Variants in PIAS1 observed in about 807,000 individuals in gnomAD.
The protein encoded by PIAS1 is E3 SUMO-protein ligase PIAS1.
In PIAS1, 6 loss-of-function variants were observed where a neutral mutation model predicts 71.3. The ratio of observed to expected loss-of-function variants is 0.08; its 90% CI spans 0.05 to 0.17. The LOEUF (loss-of-function observed/expected upper bound fraction) is 0.17, where lower values mean the gene tolerates loss of function less well. Among genes scored for constraint, PIAS1 ranks in the 10% least tolerant of loss-of-function variants. The pLI is 1.00. For missense variants in PIAS1, 555 were observed against 793.6 expected, an observed-to-expected ratio of 0.70 and a Z score of 3.61; for synonymous variants, 303 against 292.9, an observed-to-expected ratio of 1.03 and a Z score of -0.35.
intron 8 of PIAS1, among the ~76,000 whole-genome samples, chr15:68,168,913 T>G (rs2092973485): frequency 6.6e-6 from 1 of 152,218 alleles, no homozygotes; most frequent in African/African-American, 2.4e-5. Context: ...AGATATGAAC[T>G]GACAGCTGGA....
Position 68,174,221 on chromosome 15 carries a change from C to A in PIAS1, c.1169+329C>A, listed in dbSNP as rs1308474971. 6.6e-6 allele frequency among the ~76,000 whole-genome samples: 1 copy of A among 152,152 alleles called. No individual in the cohort carries two copies. The highest frequency in any genetic ancestry group is 1.5e-5 in the Non-Finnish European group (1 of 68,026). On this transcript the variant is annotated intron_variant, in intron 9 of 13. Coordinates refer to ENST00000249636, the MANE Select transcript of PIAS1 (RefSeq NM_016166.3). The surrounding 1 kb of genome is among the most constrained non-coding windows in gnomAD (Gnocchi z 4.0). ...TCCATCCATCCCTAGATATGCAGAC[C>A]ATATTGGAACAAGAATGTATGGGGA...
At chr15:68,088,533 G>T (rs1009229933) in intron 2 of PIAS1, among the ~76,000 whole-genome samples, 1 of 152,060 alleles carries the variant, frequency 6.6e-6, no homozygotes, top group Non-Finnish European at 1.5e-5. Flanking sequence ...AGGTGGTATA[G>T]AATTGCTTAG....
At chr15:68,130,029 AAAG>A (rs2092679236) in intron 2 of PIAS1, among the ~76,000 whole-genome samples, 1 of 152,054 alleles carries the variant, frequency 6.6e-6, no homozygotes. Context: ...TGGAAATAAA[AAAG>A]ATATGTTCAT....
At chr15:68,089,295 G>C (rs1430611401) in intron 2 of PIAS1, among the ~76,000 whole-genome samples, 2 of 152,082 alleles carry the variant, frequency 1.3e-5, no homozygotes, top group Non-Finnish European at 2.9e-5. Flanking sequence ...CATAATTAAA[G>C]TATTCTTTTC....
intron 7 of PIAS1, among the ~76,000 whole-genome samples, chr15:68,156,709 T>TAAA (rs35479013): frequency 3.4e-5 from 4 of 119,076 alleles, no homozygotes; most frequent in African/African-American, 3.4e-5. Context: ...ACACTGTCTT[T>TAAA]AAAAAAAAAA....
At chr15:68,062,856 A>T (rs760122966) in intron 1 of PIAS1, among the ~76,000 whole-genome samples, 1 of 152,152 alleles carries the variant, frequency 6.6e-6, no homozygotes, top group Non-Finnish European at 1.5e-5. Context: ...TTTACAATAG[A>T]TAGTGAAGAT....
rs556433401 is a variant in PIAS1, at chr15:68,193,797, G to T, written c.*5962G>T. 1 of 489,550 alleles carries T rather than the reference G, an allele frequency of 2.0e-6. No homozygotes were observed. Among genetic ancestry groups the T allele is most frequent in the Non-Finnish European group, 3.7e-6 (1 of 272,498 alleles). The allele number at this position is 489,550 out of a possible 1,614,324, so 30.3% of individuals were successfully genotyped here. ...CCATGCTTGAAAGGGCCGGACTCACGGTAGTTAATAAAATCAATACAAATC... is the reference window on the plus strand; with the variant it reads ...CCATGCTTGAAAGGGCCGGACTCACTGTAGTTAATAAAATCAATACAAATC... On this transcript the variant is annotated 3_prime_UTR_variant, in exon 14 of 14. Transcript: ENST00000249636.
At chr15:68,075,026 G>A (rs1597134575) in intron 1 of PIAS1, among the ~76,000 whole-genome samples, 1 of 124,064 alleles carries the variant, frequency 8.1e-6, no homozygotes, top group Non-Finnish European at 1.7e-5. Context: ...GAATTTTTAT[G>A]TACATTAATG....
rs2093117025 is a variant in PIAS1, at chr15:68,191,007, A to G, written c.*3172A>G. 1.3e-5 allele frequency: 2 copies of G among 152,384 alleles called. No homozygotes were observed. Among genetic ancestry groups the G allele is most frequent in the South Asian group, 4.1e-4 (2 of 4,836 alleles). 9.4% of individuals were successfully genotyped at this position (152,384 alleles called of 1,614,324 possible). The stretch of plus-strand genomic sequence containing the variant: ...TTTTTTTAGACAATTTCAATTTTAA[A>G]CACATAAAACTTTCAAGATCTTCAG... On this transcript the variant is annotated 3_prime_UTR_variant, in exon 14 of 14. Transcript: ENST00000249636.
chr15:68,193,675 G>A lies in PIAS1; in HGVS notation c.*5840G>A, dbSNP rs990874236. 6 of 229,258 alleles carry A rather than the reference G, an allele frequency of 2.6e-5. No homozygotes were observed. Among genetic ancestry groups the A allele is most frequent in the Admixed American group, 1.0e-4 (2 of 19,356 alleles). The allele number at this position is 229,258 out of a possible 1,614,324, so 14.2% of individuals were successfully genotyped here. A position where few individuals can be genotyped will look rare whatever the true frequency, so the allele number is the denominator to read the frequency against. On this transcript the variant is annotated 3_prime_UTR_variant, in exon 14 of 14. Coordinates refer to ENST00000249636, the MANE Select transcript of PIAS1 (RefSeq NM_016166.3). The stretch of plus-strand genomic sequence containing the variant: ...GAAGTGGGAATCCAGCTTGTGTGGG[G>A]GGGCTTTGAGGAGTGAAATGATTTG...
intron 1 of PIAS1, among the ~76,000 whole-genome samples, chr15:68,067,856 C>T (rs764194868): frequency 6.6e-6 from 1 of 152,154 alleles, no homozygotes; most frequent in Non-Finnish European, 1.5e-5. Flanking sequence ...CCCTCATCCT[C>T]TCTTCCCCAT....
At chr15:68,177,288 A>AAAAAAAAG (rs1264433253) in intron 11 of PIAS1, among the ~76,000 whole-genome samples, 1 of 151,338 alleles carries the variant, frequency 6.6e-6, no homozygotes, top group Non-Finnish European at 1.5e-5. Context: ...CAAAAAAAAA[A>AAAAAAAAG]AAAAAAAAAG....
intron 1 of PIAS1, among the ~76,000 whole-genome samples, chr15:68,079,044 C>CT (rs34874800): frequency 2.9e-4 from 42 of 143,420 alleles, no homozygotes; most frequent in Admixed American, 8.3e-4. Flanking sequence ...GTTAATCCCT[C>CT]TTTTTTTTTT....
chr15:68,188,114 C>T lies in PIAS1; in HGVS notation c.*279C>T. On this transcript the variant is annotated 3_prime_UTR_variant, in exon 14 of 14. Coordinates refer to ENST00000249636, the MANE Select transcript of PIAS1 (RefSeq NM_016166.3). ...AAAAGAAAAACAAGCACCCACAAAC[C>T]ACCTTCAGTTCATTTTTTTCTGGAT... 1 of 230,928 alleles carries T rather than the reference C, an allele frequency of 4.3e-6. No individual in the cohort carries two copies. Among genetic ancestry groups the T allele is most frequent in the Non-Finnish European group, 8.5e-6 (1 of 118,098 alleles). 14.3% of individuals were successfully genotyped at this position (230,928 alleles called of 1,614,324 possible).
At chr15:68,104,505 T>C (rs1458867441) in intron 2 of PIAS1, among the ~76,000 whole-genome samples, 1 of 152,176 alleles carries the variant, frequency 6.6e-6, no homozygotes, top group Non-Finnish European at 1.5e-5. Context: ...CTATCAGACA[T>C]GTATTCATAG....
rs1253472999 is a variant in PIAS1, at chr15:68,098,436, GCTGT to G, written c.469+11689_469+11692del. 3.9e-5 allele frequency among the ~76,000 whole-genome samples: 6 copies of G among 152,236 alleles called. No individual in the cohort carries two copies. In the East Asian group the frequency reaches 9.6e-4, roughly 24 times the overall value. On this transcript the variant is annotated intron_variant, in intron 2 of 13. Transcript: ENST00000249636. ...GGAGTAATAGGAGGATTTTCATCTT[GCTGT>G]CTAAGAGGTGACAGAGGTGGAAGAA...
intron 6 of PIAS1, among the ~76,000 whole-genome samples, chr15:68,151,683 A>AAAAACAAAAC (rs1555431449): frequency 6.2e-4 from 83 of 134,856 alleles, no homozygotes; most frequent in African/African-American, 2.3e-3. Flanking sequence ...AAAAAAACAA[A>AAAAACAAAAC]ACACACACAC....
intron 8 of PIAS1, among the ~76,000 whole-genome samples, chr15:68,168,640 T>C (rs1172115624): frequency 6.6e-6 from 1 of 152,020 alleles, no homozygotes; most frequent in Non-Finnish European, 1.5e-5. Flanking sequence ...AAAATCGATA[T>C]CTGTTTTTCA....
At chr15:68,177,159 A>C (rs2093025080) in intron 11 of PIAS1, among the ~76,000 whole-genome samples, 1 of 151,586 alleles carries the variant, frequency 6.6e-6, no homozygotes, top group African/African-American at 2.4e-5. Context: ...TGCGCCTGTA[A>C]TCTCAGCTAC....
Sources: allele counts gnomAD v4.1 joint callset (sites outside exome capture counted in the v4.1 genomes callset), GRCh38; gene constraint gnomAD v4.1.1; non-coding constraint Gnocchi (gnomAD v3.1); transcripts MANE v1.5; gene names NCBI Gene and HGNC (gene_info 2026-07-23, HGNC 2026-07-21).